The following CFAP97D2 variants were observed in gnomAD, a reference collection of about 807,000 sequenced individuals.
CFAP97D2 encodes the protein CFAP97 domain containing 2.
chr13:114,218,150 C>T (rs2138790218), intron 4 of CFAP97D2, among the ~76,000 whole-genome samples: 1 of 152,344 alleles, frequency 6.6e-6, no homozygotes, highest in Non-Finnish European at 1.5e-5. Flanking sequence ...CCAAAATCTC[C>T]TTAAGCTGAT....
chr13:114,206,061 T>C (rs2080938493), intron 3 of CFAP97D2, among the ~76,000 whole-genome samples: 1 of 151,726 alleles, frequency 6.6e-6, no homozygotes, highest in African/African-American at 2.4e-5. Context: ...TCAGCTCAAA[T>C]GCCAGAGACA....
At position 114,211,213 on chromosome 13, in the gene CFAP97D2, C is replaced by G. The variant is rs531576378; in HGVS notation, c.291-699C>G. Among the ~76,000 whole-genome samples, 32 of 152,324 alleles carry G rather than the reference C, an allele frequency of 2.1e-4. No individual in the cohort carries two copies. Among genetic ancestry groups the G allele is most frequent in the African/African-American group, 7.5e-4 (31 of 41,574 alleles). ...CTACTCTAGGCGCTTCCGCAGCCCC[C>G]CATGGCTCCCTCTCCATCCAATGCA... On this transcript the variant is annotated intron_variant, in intron 3 of 4. Transcript: ENST00000646158. The surrounding 1 kb of genome is among the most constrained non-coding windows in gnomAD (Gnocchi z 4.2).
intron 1 of CFAP97D2, among the ~76,000 whole-genome samples, chr13:114,195,976 G>A (rs1317803401): frequency 1.3e-5 from 2 of 151,242 alleles, no homozygotes; most frequent in African/African-American, 4.9e-5. Flanking sequence ...CCAGCTACTC[G>A]GGAGGCTGAG....
chr13:114,213,251 C>T (rs1363220787), intron 4 of CFAP97D2, among the ~76,000 whole-genome samples: 12 of 152,130 alleles, frequency 7.9e-5, no homozygotes, highest in Non-Finnish European at 4.4e-5. Context: ...TAAATAAATG[C>T]TCCAGGACCA....
intron 1 of CFAP97D2, among the ~76,000 whole-genome samples, chr13:114,188,424 G>T (rs1594514259): frequency 1.3e-5 from 2 of 152,264 alleles, no homozygotes; most frequent in East Asian, 3.9e-4. Context: ...GGCATTGAAT[G>T]CATATATTAG....
chr13:114,221,023 C>T (rs552872368), intron 4 of CFAP97D2, among the ~76,000 whole-genome samples: 106 of 152,320 alleles, frequency 7.0e-4, no homozygotes, highest in Middle Eastern at 3.4e-3. Flanking sequence ...CCGAGACAGG[C>T]GGATCACGAT....
At chr13:114,212,714 T>C (rs1031380934) in intron 4 of CFAP97D2, among the ~76,000 whole-genome samples, 11 of 152,048 alleles carry the variant, frequency 7.2e-5, no homozygotes, top group East Asian at 3.9e-4. Flanking sequence ...TAGCCAAGTA[T>C]GGTGGCACAA....
intron 1 of CFAP97D2, among the ~76,000 whole-genome samples, chr13:114,181,562 G>A (rs2080832669): frequency 6.6e-6 from 1 of 152,148 alleles, no homozygotes; most frequent in Admixed American, 6.5e-5. Flanking sequence ...GCAGCTACAT[G>A]AGCAGGACCC....
In CFAP97D2 at chr13:114,185,489, T is replaced by A. The variant is rs2080851105; in HGVS notation, c.90+6069T>A. ...GAGCCCCACCCCTTCTGAGTTGGCATGTCAGGAGCTCCCTGGGTACAGCTG... is the reference window on the plus strand; with the variant it reads ...GAGCCCCACCCCTTCTGAGTTGGCAAGTCAGGAGCTCCCTGGGTACAGCTG... On this transcript the variant is annotated intron_variant, in intron 1 of 4. Coordinates refer to ENST00000646158, the Ensembl canonical transcript of CFAP97D2. This position sits in a 1 kb window ranked among gnomAD's most constrained non-coding sequence, Gnocchi z 5.2. Among the ~76,000 whole-genome samples the A allele has an allele frequency of 6.6e-6, 1 of 152,136 alleles. No individual in the cohort carries two copies. Among genetic ancestry groups the A allele is most frequent in the Non-Finnish European group, 1.5e-5 (1 of 68,008 alleles).
downstream of CFAP97D2, chr13:114,222,710 G>A (rs549004344): frequency 5.6e-5 from 22 of 392,374 alleles, 1 homozygote; most frequent in African/African-American, 1.4e-4. The surrounding 1 kb of genome is among the most constrained non-coding windows in gnomAD (Gnocchi z 4.4). Flanking sequence ...GCCCAGGGCC[G>A]GGGCCAGGGC....
Position 114,222,388 on chromosome 13 carries a change from C to T in CFAP97D2, c.481-110C>T. 2.5e-6 allele frequency: 1 copy of T among 397,262 alleles called. No homozygotes were observed. The highest frequency in any genetic ancestry group is 1.4e-4 in the South Asian group (1 of 7,288). 24.6% of individuals were successfully genotyped at this position (397,262 alleles called of 1,614,324 possible). A position where few individuals can be genotyped will look rare whatever the true frequency, so the allele number is the denominator to read the frequency against. On this transcript the variant is annotated intron_variant, in intron 4 of 4. Coordinates refer to ENST00000646158, the Ensembl canonical transcript of CFAP97D2. The surrounding 1 kb of genome is among the most constrained non-coding windows in gnomAD (Gnocchi z 4.4). Reference sequence around the variant, plus strand: ...TATTTTAAAAATTGTATGTTTAATTCTAAGTAAAGACTTGTCAATGAGTTG... The same window carrying T: ...TATTTTAAAAATTGTATGTTTAATTTTAAGTAAAGACTTGTCAATGAGTTG...
intron 4 of CFAP97D2, among the ~76,000 whole-genome samples, chr13:114,218,245 G>A (rs1158233668): frequency 6.6e-6 from 1 of 152,178 alleles, no homozygotes; most frequent in Non-Finnish European, 1.5e-5. Context: ...GACAAACAGA[G>A]AGCCAAATCA....
At chr13:114,214,594 G>GTTTC (rs147673599) in intron 4 of CFAP97D2, among the ~76,000 whole-genome samples, 1 of 152,004 alleles carries the variant, frequency 6.6e-6, no homozygotes, top group Non-Finnish European at 1.5e-5. Flanking sequence ...TTGTTTGTTT[G>GTTTC]TTTGTTTGTT....
intron 3 of CFAP97D2, among the ~76,000 whole-genome samples, chr13:114,204,183 C>A (rs550239785): frequency 6.6e-6 from 1 of 152,142 alleles, no homozygotes. Context: ...TATGAGGAGA[C>A]CAAGGCTTGC....
chr13:114,212,205 A>T, intron 4 of CFAP97D2: 1 of 397,578 alleles, frequency 2.5e-6, no homozygotes, highest in Non-Finnish European at 4.4e-6. Flanking sequence ...TCTTTGCCGT[A>T]TTAGAGCATT....
intron 3 of CFAP97D2, among the ~76,000 whole-genome samples, chr13:114,204,211 G>A (rs2080929974): frequency 6.6e-6 from 1 of 152,160 alleles, no homozygotes; most frequent in Admixed American, 6.5e-5. Flanking sequence ...TTTATAGGGT[G>A]GCATTTATGC....
At chr13:114,182,102 T>C (rs371232122) in intron 1 of CFAP97D2, among the ~76,000 whole-genome samples, 66 of 151,426 alleles carry the variant, frequency 4.4e-4, no homozygotes, top group Non-Finnish European at 4.6e-4. Flanking sequence ...TGATTATTAT[T>C]TTCATTATTT....
At chr13:114,216,656 C>T (rs145291982) in intron 4 of CFAP97D2, among the ~76,000 whole-genome samples, 9,916 of 152,220 alleles carry the variant, frequency 0.065, 550 homozygotes, top group African/African-American at 0.13. Context: ...TTCCATGGTG[C>T]ATATGTGCCA....
chr13:114,209,063 T>A (rs1236794140), intron 3 of CFAP97D2, among the ~76,000 whole-genome samples: 1 of 152,086 alleles, frequency 6.6e-6, no homozygotes, highest in Non-Finnish European at 1.5e-5. Context: ...GGAAGACAAA[T>A]GAAGCCAGCT....
Sources: gnomAD v4.1 joint callset for allele counts (sites outside exome capture counted in the v4.1 genomes callset) on GRCh38, gnomAD v4.1.1 for gene constraint, Gnocchi (gnomAD v3.1) non-coding constraint, MANE v1.5 for transcripts, NCBI Gene and HGNC (gene_info 2026-07-23, HGNC 2026-07-21) for gene names.